The following MTCL3 variants were observed in gnomAD, a reference collection of about 807,000 sequenced individuals.
MTCL3 encodes microtubule cross-linking factor 3.
At chr6:127,475,101 C>T in the MTCL3 span, among the ~76,000 whole-genome samples, 2 of 152,214 alleles carry the variant, frequency 1.3e-5, no homozygotes, top group Non-Finnish European at 2.9e-5. The surrounding 1 kb of genome is among the most constrained non-coding windows in gnomAD (Gnocchi z 7.3). Context: ...GTCACAAAAA[C>T]CTCAGCCCTG....
the MTCL3 span, among the ~76,000 whole-genome samples, chr6:127,505,987 T>C: frequency 6.6e-6 from 1 of 152,178 alleles, no homozygotes; most frequent in Non-Finnish European, 1.5e-5. Flanking sequence ...TAGAAAATGA[T>C]ATATTTATAG....
chr6:127,508,377 C>G, the MTCL3 span, among the ~76,000 whole-genome samples: 11 of 152,206 alleles, frequency 7.2e-5, no homozygotes, highest in South Asian at 2.3e-3. Flanking sequence ...GATATACTCT[C>G]AAGGGACTCT....
the MTCL3 span, among the ~76,000 whole-genome samples, chr6:127,507,134 A>G: frequency 2.0e-5 from 3 of 152,332 alleles, no homozygotes; most frequent in African/African-American, 4.8e-5. Flanking sequence ...ATATACATGT[A>G]TTAAACAATT....
At chr6:127,487,021 T>G in the MTCL3 span, among the ~76,000 whole-genome samples, 436 of 152,292 alleles carry the variant, frequency 2.9e-3, 2 homozygotes, top group African/African-American at 9.8e-3. Flanking sequence ...ACATTAATAT[T>G]TAGATCTTTT....
chr6:127,493,394 G>T, the MTCL3 span, among the ~76,000 whole-genome samples: 1 of 152,196 alleles, frequency 6.6e-6, no homozygotes, highest in Admixed American at 6.5e-5. Flanking sequence ...AATGTTGGAA[G>T]ATATGGGAAG....
chr6:127,481,679 A>G, the MTCL3 span, among the ~76,000 whole-genome samples: 1 of 152,198 alleles, frequency 6.6e-6, no homozygotes, highest in South Asian at 2.1e-4. Context: ...ATAGATTCCA[A>G]CTGACATAGT....
the MTCL3 span, among the ~76,000 whole-genome samples, chr6:127,488,267 A>C: frequency 6.6e-6 from 1 of 152,282 alleles, no homozygotes; most frequent in Admixed American, 6.5e-5. Flanking sequence ...AGGCCATTTC[A>C]TATCAAAAAG....
At chr6:127,480,848 TC>T in the MTCL3 span, among the ~76,000 whole-genome samples, 1 of 152,200 alleles carries the variant, frequency 6.6e-6, no homozygotes, top group Admixed American at 6.5e-5. Flanking sequence ...AATTGAGATA[TC>T]CCATCAGAGA....
chr6:127,513,866 A>G, the MTCL3 span, among the ~76,000 whole-genome samples: 1 of 152,286 alleles, frequency 6.6e-6, no homozygotes, highest in Non-Finnish European at 1.5e-5. Flanking sequence ...TTCCCTTGAG[A>G]ATTAAATGAA....
At chr6:127,499,275 C>A in the MTCL3 span, among the ~76,000 whole-genome samples, 2 of 152,176 alleles carry the variant, frequency 1.3e-5, no homozygotes, top group African/African-American at 4.8e-5. Context: ...GCTCTGAAGA[C>A]TAGGAAGCTG....
chr6:127,478,934 T>C, the MTCL3 span, among the ~76,000 whole-genome samples: 3 of 150,382 alleles, frequency 2.0e-5, no homozygotes, highest in African/African-American at 7.4e-5. Context: ...GGAGAATTGC[T>C]TGAACCCCGG....
At chr6:127,488,821 A>T in the MTCL3 span, among the ~76,000 whole-genome samples, 1 of 152,220 alleles carries the variant, frequency 6.6e-6, no homozygotes, top group East Asian at 1.9e-4. Flanking sequence ...GATTCAACCA[A>T]CCACAGATTG....
At chr6:127,476,439 C>T in the MTCL3 span, 3 of 1,605,262 alleles carry the variant, frequency 1.9e-6, no homozygotes, top group Non-Finnish European at 1.7e-6. The surrounding 1 kb of genome is among the most constrained non-coding windows in gnomAD (Gnocchi z 4.4). Flanking sequence ...TAACAAACTG[C>T]AGCTGGCACT....
At chr6:127,475,197 G>C in the MTCL3 span, 5 of 1,349,730 alleles carry the variant, frequency 3.7e-6, no homozygotes, top group Non-Finnish European at 5.0e-6. The surrounding 1 kb of genome is among the most constrained non-coding windows in gnomAD (Gnocchi z 7.3). Context: ...TCCCTCAAGC[G>C]GGGCGCGGCA....
chr6:127,513,181 A>G, the MTCL3 span: 1 of 806,316 alleles, frequency 1.2e-6, no homozygotes, highest in East Asian at 2.7e-5. Flanking sequence ...ATTATTCCAC[A>G]AAGTATACAT....
the MTCL3 span, among the ~76,000 whole-genome samples, chr6:127,511,711 AT>A: frequency 1.1e-4 from 16 of 150,572 alleles, no homozygotes; most frequent in Admixed American, 9.2e-4. Context: ...TCATTAAAAT[AT>A]TTTTTTACTA....
At chr6:127,477,875 A>G in the MTCL3 span, among the ~76,000 whole-genome samples, 1 of 152,198 alleles carries the variant, frequency 6.6e-6, no homozygotes, top group African/African-American at 2.4e-5. Flanking sequence ...TTAATAAGTG[A>G]CAGAGCACAG....
chr6:127,509,530 A>G, the MTCL3 span, among the ~76,000 whole-genome samples: 65 of 152,302 alleles, frequency 4.3e-4, no homozygotes, highest in African/African-American at 1.4e-3. Context: ...GAATTGGAGG[A>G]TTGCTTCTCT....
chr6:127,512,508 C>A, the MTCL3 span, among the ~76,000 whole-genome samples: 1 of 152,166 alleles, frequency 6.6e-6, no homozygotes, highest in African/African-American at 2.4e-5. Context: ...ATTCATGGTT[C>A]TATGAACTCA....
Sources: allele counts gnomAD v4.1 joint callset (sites outside exome capture counted in the v4.1 genomes callset), GRCh38; gene constraint gnomAD v4.1.1; non-coding constraint Gnocchi (gnomAD v3.1); transcripts MANE v1.5; gene names NCBI Gene and HGNC (gene_info 2026-07-23, HGNC 2026-07-21).